Variants in SCML4 observed in about 807,000 individuals in gnomAD.
The protein encoded by SCML4 is Scm polycomb group protein like 4.
Under a neutral mutation model 41.1 loss-of-function variants are expected in SCML4, and 34 were observed. That is an observed-to-expected ratio of 0.83 (90% CI 0.63 to 1.10). SCML4 has a LOEUF of 1.10. Ranked by LOEUF, SCML4 falls within the 50% of genes least tolerant of loss-of-function variation. SCML4 has a pLI of 0.00. For synonymous variants in SCML4, 214 were observed against 220.9 expected, an observed-to-expected ratio of 0.97 and a Z score of 0.28; for missense variants, 522 against 534.1, an observed-to-expected ratio of 0.98 and a Z score of 0.22.
At chr6:107,845,488 G>C in the SCML4 span, among the ~76,000 whole-genome samples, 1 of 152,222 alleles carries the variant, frequency 6.6e-6, no homozygotes, top group Admixed American at 6.5e-5. Context: ...GGAAATTACA[G>C]AATGATTGCC....
At chr6:107,764,893 C>T (rs1365913868) in intron 2 of SCML4, among the ~76,000 whole-genome samples, 1 of 152,158 alleles carries the variant, frequency 6.6e-6, no homozygotes, top group Non-Finnish European at 1.5e-5. Flanking sequence ...GACTCTCGTT[C>T]TCTCTTATCT....
chr6:107,824,692 CT>C (rs1785185211), upstream of SCML4, among the ~76,000 whole-genome samples: 1 of 152,238 alleles, frequency 6.6e-6, no homozygotes, highest in East Asian at 1.9e-4. Context: ...TTCATTACCC[CT>C]CCTCTGTTGC....
Position 107,710,602 on chromosome 6 carries a change from C to A in SCML4, c.974-2591G>T, listed in dbSNP as rs557416871. 2.2e-4 allele frequency among the ~76,000 whole-genome samples: 21 copies of A among 97,092 alleles called. No homozygotes were observed. The South Asian group carries it at 7.9e-3, about 37-fold the overall frequency. The allele number at this position is 97,092 out of a possible 152,430, so 63.7% of individuals were successfully genotyped here. ...ACCAGCCCAGTCAATATGGTGAAAC[C>A]CCGTCCCTACTAAAAATACAAAAAT... On this transcript the variant is annotated intron_variant, in intron 6 of 7. Transcript: ENST00000369020.
the SCML4 span, among the ~76,000 whole-genome samples, chr6:107,833,038 G>A: frequency 1.3e-5 from 2 of 152,170 alleles, no homozygotes; most frequent in African/African-American, 4.8e-5. Flanking sequence ...CACTATGCGG[G>A]GAGGACTTAA....
intron 2 of SCML4, among the ~76,000 whole-genome samples, chr6:107,766,569 G>A (rs1197491365): frequency 1.3e-5 from 2 of 152,118 alleles, no homozygotes; most frequent in East Asian, 1.9e-4. Context: ...CATTGTTTAC[G>A]CTCATTTTAC....
At chr6:107,777,859 C>T (rs1781078949) in intron 1 of SCML4, among the ~76,000 whole-genome samples, 1 of 152,038 alleles carries the variant, frequency 6.6e-6, no homozygotes, top group Admixed American at 6.5e-5. Flanking sequence ...CAAAGACCTT[C>T]AAAGACCTCA....
the SCML4 span, among the ~76,000 whole-genome samples, chr6:107,832,623 G>T: frequency 6.6e-6 from 1 of 152,292 alleles, no homozygotes; most frequent in Middle Eastern, 3.4e-3. Context: ...TCTGCTTTCC[G>T]CCAGGCACTG....
intron 6 of SCML4, among the ~76,000 whole-genome samples, chr6:107,715,797 T>A (rs1562171934): frequency 6.6e-6 from 1 of 152,248 alleles, no homozygotes; most frequent in Non-Finnish European, 1.5e-5. Flanking sequence ...CCCTTCTGCC[T>A]GCAGCCTCAT....
rs1365311105 is a variant in SCML4 at position 107,735,448 on chromosome 6, GA to G, written c.682+9500del. On this transcript the variant is annotated intron_variant, in intron 5 of 7. Coordinates refer to ENST00000369020, the MANE Select transcript of SCML4 (RefSeq NM_198081.5). The stretch of plus-strand genomic sequence containing the variant: ...TTCTTTCTGTTTTTGAGGGCGGGGG[GA>G]TTCCAGTTCTGTTTTTTTTTCTTCA... Among the ~76,000 whole-genome samples the G allele has an allele frequency of 2.0e-5, 3 of 151,740 alleles. No homozygotes were observed. The East Asian group carries it at 5.8e-4, about 29-fold the overall frequency.
At chr6:107,719,732 T>C (rs146853506) in intron 6 of SCML4, 65 of 187,328 alleles carry the variant, frequency 3.5e-4, no homozygotes, top group African/African-American at 1.4e-3. Flanking sequence ...GTGCTGCCAT[T>C]ATTATTATCA....
chr6:107,765,565 G>C lies in SCML4; in HGVS notation c.156+6607C>G, dbSNP rs1277026558. Among the ~76,000 whole-genome samples, 3 of 152,204 alleles carry C rather than the reference G, an allele frequency of 2.0e-5. No homozygotes were observed. The East Asian group carries it at 5.8e-4, about 29-fold the overall frequency. On this transcript the variant is annotated intron_variant, in intron 2 of 7. Coordinates refer to ENST00000369020, the MANE Select transcript of SCML4 (RefSeq NM_198081.5). ...ACTTACAAGTTAATAAAGTTTGTAG[G>C]GAGTCTCTGAACCTACTCTGGCTCA...
chr6:107,780,812 CAT>C (rs1458980276), intron 1 of SCML4, among the ~76,000 whole-genome samples: 1 of 151,388 alleles, frequency 6.6e-6, no homozygotes, highest in African/African-American at 2.4e-5. Context: ...TAGCTTGTAA[CAT>C]ATTATTATTA....
At chr6:107,789,107 C>T (rs987238049) in intron 1 of SCML4, among the ~76,000 whole-genome samples, 1 of 152,158 alleles carries the variant, frequency 6.6e-6, no homozygotes, top group Non-Finnish European at 1.5e-5. Context: ...TCTTACACAG[C>T]CTGTTGGTTC....
At chr6:107,769,014 A>C (rs1780297310) in intron 2 of SCML4, among the ~76,000 whole-genome samples, 1 of 152,158 alleles carries the variant, frequency 6.6e-6, no homozygotes, top group African/African-American at 2.4e-5. Context: ...CTACCTATTG[A>C]TCTTGGGGAG....
intron 2 of SCML4, among the ~76,000 whole-genome samples, chr6:107,751,655 G>A (rs1778699873): frequency 1.3e-5 from 1 of 76,172 alleles, no homozygotes; most frequent in Non-Finnish European, 2.7e-5. Flanking sequence ...TCTTTTTTGA[G>A]AGGGAGTTTC....
At chr6:107,743,065 GT>G (rs1338690305) in intron 5 of SCML4, among the ~76,000 whole-genome samples, 1 of 152,124 alleles carries the variant, frequency 6.6e-6, no homozygotes, top group Non-Finnish European at 1.5e-5. Flanking sequence ...CTGCAGGATT[GT>G]TTTTTCATTT....
intron 1 of SCML4, among the ~76,000 whole-genome samples, chr6:107,792,125 G>C (rs1402008210): frequency 2.0e-5 from 3 of 152,216 alleles, no homozygotes; most frequent in Non-Finnish European, 4.4e-5. Flanking sequence ...ATTATTTCAT[G>C]GATCAGATAG....
At chr6:107,837,251 T>C in the SCML4 span, among the ~76,000 whole-genome samples, 1 of 152,174 alleles carries the variant, frequency 6.6e-6, no homozygotes, top group African/African-American at 2.4e-5. Context: ...GGAACCATCA[T>C]GGTGTTCCAA....
chr6:107,714,806 T>C (rs1774589866), intron 6 of SCML4, among the ~76,000 whole-genome samples: 1 of 151,968 alleles, frequency 6.6e-6, no homozygotes, highest in Non-Finnish European at 1.5e-5. Context: ...TATGATGATG[T>C]CATTCCATAA....
Sources: allele counts gnomAD v4.1 joint callset (sites outside exome capture counted in the v4.1 genomes callset), GRCh38; gene constraint gnomAD v4.1.1; transcripts MANE v1.5; gene names NCBI Gene and HGNC (gene_info 2026-07-23, HGNC 2026-07-21).